The following HGS variants were observed in gnomAD, a reference collection of about 807,000 sequenced individuals.
HGS encodes the protein human growth factor-regulated tyrosine kinase substrate.
In HGS, 63 loss-of-function variants were observed where a neutral mutation model predicts 109.7. The ratio of observed to expected loss-of-function variants is 0.57; its 90% CI spans 0.47 to 0.71. The LOEUF (loss-of-function observed/expected upper bound fraction) is 0.71, where lower values mean the gene tolerates loss of function less well. Among genes scored for constraint, HGS ranks in the 30% least tolerant of loss-of-function variants. HGS has a pLI of 0.00. For synonymous variants in HGS, 546 were observed against 437.3 expected, an observed-to-expected ratio of 1.25 and a Z score of -3.10; for missense variants, 995 against 1,068.3, an observed-to-expected ratio of 0.93 and a Z score of 0.96.
rs1305112549 is a variant in HGS at position 81,693,895 on chromosome 17, A to G, written c.866A>G (p.Tyr289Cys). ...RLRQKSTYTS[Y>C]PKAEPMPSAS... ...AGACAGAAGTCCACGTACACTTCGT[A>G]CCCCAAGGCGGAGCCCATGCCCTCG... The change falls in exon 11 of 22, where the codon TAC becomes TGC. Residue 289 changes from tyrosine to cysteine, a missense_variant. Physicochemically the swap from Tyr to Cys is radical, Grantham distance 194. This residue lies in a region of HGS where 300 missense variants were observed against 235.4 expected (regional missense o/e 1.27). Transcript: ENST00000329138. 6.2e-7 allele frequency: 1 copy of G among 1,610,686 alleles called. No individual in the cohort carries two copies. The highest frequency in any genetic ancestry group is 1.1e-5 in the South Asian group (1 of 90,964).
Position 81,696,722 on chromosome 17 carries a change from C to A in HGS, c.1682C>A (p.Pro561His). Residue 561 changes from proline to histidine, a missense_variant, in exon 17 of 22, where the codon CCC becomes CAC. This residue lies in a region of HGS where 326 missense variants were observed against 309.7 expected (regional missense o/e 1.05). Coordinates refer to ENST00000329138, the MANE Select transcript of HGS (RefSeq NM_004712.5). The stretch of plus-strand genomic sequence containing the variant: ...ACGGTCCAGATGCGCGCGCAGATGC[C>A]CGCCTTCCCCCTGCCCTACGCCCAG... ...KQTVQMRAQM[P>H]AFPLPYAQLQ... 6.2e-7 allele frequency: 1 copy of A among 1,607,904 alleles called. No homozygotes were observed. The highest frequency in any genetic ancestry group is 8.5e-7 in the Non-Finnish European group (1 of 1,176,806).
chr17:81,693,417 G>T, intron 8 of HGS, 86 bp from the exon 9 acceptor site: 1 of 967,416 alleles, frequency 1.0e-6, no homozygotes. Flanking sequence ...ACACTTAGAG[G>T]AGCCCGCAGA....
intron 5 of HGS, among the ~76,000 whole-genome samples, chr17:81,689,689 G>T (rs1017307311): frequency 1.1e-4 from 16 of 152,344 alleles, no homozygotes; most frequent in African/African-American, 3.8e-4. Context: ...CCAGTGTGGA[G>T]AACACGGGAA....
rs776655982 is a variant in HGS at position 81,695,966 on chromosome 17, C to T, written c.1360C>T (p.Leu454=). ...QSINGMHPQL[L]ELLNQLDERR... ...CATCAACGGCATGCACCCGCAGCTGCTGGAGCTGCTCAACCAGCTGGACGA... is the reference window on the plus strand; with the variant it reads ...CATCAACGGCATGCACCCGCAGCTGTTGGAGCTGCTCAACCAGCTGGACGA... Residue 454 remains leucine, a synonymous_variant, in exon 15 of 22, where the codon CTG becomes TTG. Coordinates refer to ENST00000329138, the MANE Select transcript of HGS (RefSeq NM_004712.5). 31 of 1,570,348 alleles carry T rather than the reference C, an allele frequency of 2.0e-5. No individual in the cohort carries two copies. Among genetic ancestry groups the T allele is most frequent in the African/African-American group, 9.4e-5 (7 of 74,288 alleles).
In HGS at chr17:81,684,020, C is replaced by A. The variant is rs747461039; in HGVS notation, c.-47C>A. 1 of 1,571,256 alleles carries A rather than the reference C, an allele frequency of 6.4e-7. No individual in the cohort carries two copies. The highest frequency in any genetic ancestry group is 1.9e-5 in the Admixed American group (1 of 53,576). ...GCGGAAGTCGGGGGGCGCGCCAGCT[C>A]GTAGCAGGGGAGCGCCCGCGGCGTC... On this transcript the variant is annotated 5_prime_UTR_variant, in exon 1 of 22. Transcript: ENST00000329138.
At chr17:81,685,801 G>A in intron 2 of HGS, 112 bp downstream of exon 2, 2 of 715,884 alleles carry the variant, frequency 2.8e-6, no homozygotes, top group South Asian at 1.9e-5. Flanking sequence ...AGGCTCTTAT[G>A]TGGAGAACTG....
rs767226130 is a variant in HGS, at chr17:81,696,941, A to G, written c.1825A>G (p.Met609Val). Residue 609 changes from methionine (M) to valine (V), a missense_variant, in exon 18 of 22, where the codon ATG becomes GTG. Around this residue, in one of 6 missense-constraint regions of HGS, gnomAD observed 326 missense variants for 309.7 expected, o/e 1.05. Transcript: ENST00000329138. ...VEGSPMHGVY[M>V]SQPAPAAGPY... ...GGGCTCCCCAATGCACGGCGTGTAC[A>G]TGAGCCAGCCGGCCCCTGCCGCTGG... The G allele has an allele frequency of 3.7e-6, 6 of 1,605,508 alleles. No homozygotes were observed. Among genetic ancestry groups the G allele is most frequent in the East Asian group, 2.2e-5 (1 of 44,856 alleles).
chr17:81,686,964 G>A, intron 3 of HGS, 39 bp from the exon 4 acceptor site: 1 of 1,553,488 alleles, frequency 6.4e-7, no homozygotes, highest in Non-Finnish European at 8.9e-7. Flanking sequence ...GCCCTGCCCT[G>A]ACCACTGGCC....
Position 81,691,589 on chromosome 17 carries a change from A to G in HGS, c.662+18A>G, listed in dbSNP as rs765685684. On this transcript the variant is annotated intron_variant, in intron 8 of 21. Coordinates refer to ENST00000329138, the MANE Select transcript of HGS (RefSeq NM_004712.5). The surrounding 1 kb of genome is among the most constrained non-coding windows in gnomAD (Gnocchi z 5.3). ...CTGAACAGGTGAGTCCCCGCCCCCC[A>G]TTTGGGCTGCAGGTGGGGCAGGCTC... 1.4e-5 allele frequency: 23 copies of G among 1,613,204 alleles called. No homozygotes were observed. Among genetic ancestry groups the G allele is most frequent in the Non-Finnish European group, 8.5e-7 (1 of 1,179,626 alleles).
intron 4 of HGS, among the ~76,000 whole-genome samples, chr17:81,687,931 C>T (rs368698967): frequency 2.6e-5 from 4 of 152,288 alleles, no homozygotes; most frequent in East Asian, 3.9e-4. Context: ...GGCTGAGAGG[C>T]GGAAGGTGCC....
intron 18 of HGS, among the ~76,000 whole-genome samples, chr17:81,698,890 G>GA (rs2037192916): frequency 6.6e-6 from 1 of 152,068 alleles, no homozygotes; most frequent in African/African-American, 2.4e-5. Context: ...CCAACATGGT[G>GA]AAACCCCGTC....
rs762027687 is a variant in HGS at position 81,691,421 on chromosome 17, C to T, written c.538-26C>T. 1.9e-6 allele frequency: 3 copies of T among 1,612,878 alleles called. No individual in the cohort carries two copies. The highest frequency in any genetic ancestry group is 1.7e-5 in the Admixed American group (1 of 60,010). On this transcript the variant is annotated intron_variant, in intron 7 of 21. Coordinates refer to ENST00000329138, the MANE Select transcript of HGS (RefSeq NM_004712.5). This position sits in a 1 kb window ranked among gnomAD's most constrained non-coding sequence, Gnocchi z 5.3. Reference sequence around the variant, plus strand: ...CATCAGGGTCCCCCAGTGCCTGTGACCAGGCCCGCCCGCCCCATCTTACAG... The same window carrying T: ...CATCAGGGTCCCCCAGTGCCTGTGATCAGGCCCGCCCGCCCCATCTTACAG...
chr17:81,690,043 G>T (rs1190874626), intron 5 of HGS, 139 bp from the exon 6 acceptor site: 16 of 807,608 alleles, frequency 2.0e-5, no homozygotes, highest in Non-Finnish European at 2.9e-5. Context: ...GGGGCAGGAG[G>T]CTGTCTCGGT....
At position 81,684,011 on chromosome 17, in the gene HGS, G is replaced by A; in HGVS notation, c.-56G>A. 1 of 1,562,834 alleles carries A rather than the reference G, an allele frequency of 6.4e-7. No individual in the cohort carries two copies. Among genetic ancestry groups the A allele is most frequent in the Non-Finnish European group, 8.6e-7 (1 of 1,158,160 alleles). On this transcript the variant is annotated 5_prime_UTR_variant, in exon 1 of 22. Transcript: ENST00000329138. Reference sequence around the variant, plus strand: ...AAGGCGGAAGCGGAAGTCGGGGGGCGCGCCAGCTCGTAGCAGGGGAGCGCC... The same window carrying A: ...AAGGCGGAAGCGGAAGTCGGGGGGCACGCCAGCTCGTAGCAGGGGAGCGCC...
At chr17:81,684,239 C>A in intron 1 of HGS, 136 bp downstream of exon 1, 3 of 834,908 alleles carry the variant, frequency 3.6e-6, no homozygotes, top group Non-Finnish European at 4.9e-6. Flanking sequence ...GCTGTCCTCC[C>A]GGGTTCGGAG....
rs756889527 is a variant in HGS, at chr17:81,691,455, C to T, written c.546C>T (p.Cys182=). Residue 182 remains cysteine (C), a synonymous_variant, in exon 8 of 22, where the codon TGC becomes TGT. Coordinates refer to ENST00000329138, the MANE Select transcript of HGS (RefSeq NM_004712.5). This position sits in a 1 kb window ranked among gnomAD's most constrained non-coding sequence, Gnocchi z 5.3. ...QFGVMTRKHH[C]RACGQIFCGK... Reference sequence around the variant, plus strand: ...CCCGCCCCATCTTACAGCACCACTGCCGGGCGTGTGGGCAGATATTCTGTG... The same window carrying T: ...CCCGCCCCATCTTACAGCACCACTGTCGGGCGTGTGGGCAGATATTCTGTG... 6.2e-7 allele frequency: 1 copy of T among 1,614,034 alleles called. No individual in the cohort carries two copies. The highest frequency in any genetic ancestry group is 1.7e-5 in the Admixed American group (1 of 60,020).
At chr17:81,700,885 T>G (rs1244415026) in intron 20 of HGS, 71 bp downstream of exon 20, 3 of 1,578,214 alleles carry the variant, frequency 1.9e-6, no homozygotes, top group African/African-American at 2.7e-5. Context: ...GGTCCTTTGG[T>G]GAGGCTGGCA....
In HGS at chr17:81,698,810, T is replaced by G. The variant is rs150864644; in HGVS notation, c.1883-1657T>G. Among the ~76,000 whole-genome samples the G allele has an allele frequency of 4.4e-4, 67 of 152,350 alleles. No homozygotes were observed. In the East Asian group the frequency reaches 0.013, roughly 29 times the overall value. ...GCAGCCAGGTGCGGTGGCTCATGCC[T>G]GTAATCCCAACACTTTGGGAGGCCA... On this transcript the variant is annotated intron_variant, in intron 18 of 21. Transcript: ENST00000329138.
intron 11 of HGS, 109 bp from the exon 12 acceptor site, chr17:81,694,706 C>G (rs1178604324): frequency 7.4e-7 from 1 of 1,354,052 alleles, no homozygotes; most frequent in Admixed American, 1.7e-5. Context: ...GAGGGAGGGC[C>G]CAGGCTGCGG....
Sources: gnomAD v4.1 joint callset for allele counts (sites outside exome capture counted in the v4.1 genomes callset) on GRCh38, gnomAD v4.1.1 for gene constraint, gnomAD v4.1.1 regional missense constraint, Gnocchi (gnomAD v3.1) non-coding constraint, MANE v1.5 for transcripts, NCBI Gene and HGNC (gene_info 2026-07-23, HGNC 2026-07-21) for gene names.